Variants in COL11A1 observed in about 807,000 individuals in gnomAD.
COL11A1 encodes collagen alpha-1(XI) chain.
COL11A1 carries 74 observed loss-of-function variants against 265.2 expected under a neutral mutation model. That is an observed-to-expected ratio of 0.28 (90% CI 0.23 to 0.34). COL11A1 has a LOEUF of 0.34. Among genes scored for constraint, COL11A1 ranks in the 10% least tolerant of loss-of-function variants. The pLI, the probability that COL11A1 is intolerant of heterozygous loss-of-function variation, is 1.00. For synonymous variants in COL11A1, 816 were observed against 727.6 expected (o/e 1.12, Z -1.96); for missense variants, 2,165 against 2,263.6 (o/e 0.96, Z 0.88).
intron 28 of COL11A1, among the ~76,000 whole-genome samples, chr1:102,992,798 T>A (rs1664267128): frequency 6.6e-6 from 1 of 152,062 alleles, no homozygotes; most frequent in South Asian, 2.1e-4. Flanking sequence ...AGACTTCAAA[T>A]GAGGCTCAGA....
chr1:103,080,067 T>C (rs1558034074), intron 2 of COL11A1, among the ~76,000 whole-genome samples: 1 of 151,758 alleles, frequency 6.6e-6, no homozygotes, highest in Non-Finnish European at 1.5e-5. Context: ...TTGAAACTGA[T>C]TAAATAAAAT....
At chr1:103,065,607 C>A (rs112282311) in intron 4 of COL11A1, among the ~76,000 whole-genome samples, 3,431 of 148,268 alleles carry the variant, frequency 0.023, 48 homozygotes, top group Middle Eastern at 0.056. Flanking sequence ...TAAACAGATG[C>A]CAACCCTGAG....
At chr1:103,046,002 T>C (rs922961554) in intron 4 of COL11A1, among the ~76,000 whole-genome samples, 2 of 151,722 alleles carry the variant, frequency 1.3e-5, no homozygotes, top group Non-Finnish European at 2.9e-5. Context: ...CACATTTTTC[T>C]TAATCCAGTC....
At chr1:103,040,906 A>T (rs1668762015) in intron 4 of COL11A1, among the ~76,000 whole-genome samples, 1 of 151,778 alleles carries the variant, frequency 6.6e-6, no homozygotes. Flanking sequence ...TTTTTGAAAG[A>T]TTATGTATAT....
intron 46 of COL11A1, among the ~76,000 whole-genome samples, chr1:102,925,390 G>A (rs1019123754): frequency 6.6e-6 from 1 of 151,750 alleles, no homozygotes; most frequent in Non-Finnish European, 1.5e-5. Context: ...ATGACTTTCA[G>A]TTTGTAAAGA....
At chr1:102,890,654 A>C (rs963956832) in intron 57 of COL11A1, 150 bp from the exon 58 acceptor site, 1 of 580,106 alleles carries the variant, frequency 1.7e-6, no homozygotes, top group Non-Finnish European at 3.0e-6. Context: ...AAGGCTTCTA[A>C]GTAAATTTAT....
rs937559629 is a variant in COL11A1 at position 102,888,708 on chromosome 1, G to A, written c.4554+15C>T. ...TTCAATGCAAAATTAAATTGTCAAA[G>A]GGAAAAGTACTTACAGTAGAGCCTT... On this transcript the variant is annotated intron_variant, in intron 61 of 66. Transcript: ENST00000370096. 1.2e-6 allele frequency: 2 copies of A among 1,613,858 alleles called. No individual in the cohort carries two copies. Among genetic ancestry groups the A allele is most frequent in the African/African-American group, 1.3e-5 (1 of 75,032 alleles).
intron 42 of COL11A1, 76 bp from the exon 43 acceptor site, chr1:102,940,510 A>G: frequency 2.9e-6 from 3 of 1,045,858 alleles, no homozygotes; most frequent in Non-Finnish European, 4.4e-6. Flanking sequence ...TAGCTTCTAT[A>G]TTTGACAAGG....
chr1:103,024,870 A>G (rs1667396760), intron 7 of COL11A1, among the ~76,000 whole-genome samples: 1 of 151,876 alleles, frequency 6.6e-6, no homozygotes, highest in African/African-American at 2.4e-5. Context: ...ATATTTAACA[A>G]AGTTAAACTG....
At chr1:103,026,062 A>T in intron 6 of COL11A1, 154 bp downstream of exon 6, 1 of 1,250,334 alleles carries the variant, frequency 8.0e-7, no homozygotes, top group South Asian at 1.2e-5. Context: ...ATCATTCTTC[A>T]AAACGGCTAC....
intron 24 of COL11A1, among the ~76,000 whole-genome samples, chr1:102,998,906 T>C (rs1664873918): frequency 6.6e-6 from 1 of 151,906 alleles, no homozygotes; most frequent in Non-Finnish European, 1.5e-5. Flanking sequence ...CCCAATAAGA[T>C]AATAATAAAG....
intron 42 of COL11A1, among the ~76,000 whole-genome samples, chr1:102,945,517 G>A (rs1254640166): frequency 6.6e-6 from 1 of 152,080 alleles, no homozygotes; most frequent in African/African-American, 2.4e-5. Flanking sequence ...GACAATGAAA[G>A]CAAATCAACT....
intron 54 of COL11A1, among the ~76,000 whole-genome samples, chr1:102,910,987 T>A (rs1654604546): frequency 6.6e-6 from 1 of 152,168 alleles, no homozygotes; most frequent in Admixed American, 6.6e-5. Flanking sequence ...AATAGACAGC[T>A]ATGCATCACA....
chr1:102,887,032 G>A lies in COL11A1; in HGVS notation c.4633C>T (p.Pro1545Ser), dbSNP rs1490364715. The change falls in exon 63 of 67, where the codon CCT becomes TCT. Residue 1545 changes from proline (P) to serine (S), a missense_variant. Coordinates refer to ENST00000370096, the MANE Select transcript of COL11A1 (RefSeq NM_001854.4). ...SPGPPGEVIQ[P>S]LPILSSKKTR... ...TTTTTGGAGGACAAGATTGGTAAAGGCTGAATGACTTCACCAGGTGGACCC... is the reference window on the plus strand; with the variant it reads ...TTTTTGGAGGACAAGATTGGTAAAGACTGAATGACTTCACCAGGTGGACCC... The A allele has an allele frequency of 1.9e-6, 3 of 1,613,802 alleles. No homozygotes were observed. Among genetic ancestry groups the A allele is most frequent in the Admixed American group, 3.3e-5 (2 of 59,992 alleles).
chr1:102,973,609 G>A (rs1301082718), intron 36 of COL11A1, among the ~76,000 whole-genome samples: 1 of 152,144 alleles, frequency 6.6e-6, no homozygotes, highest in Non-Finnish European at 1.5e-5. Flanking sequence ...TCATTTCTCT[G>A]TGAAACTTTG....
chr1:102,942,254 G>C (rs1658797477), intron 42 of COL11A1, among the ~76,000 whole-genome samples: 1 of 152,074 alleles, frequency 6.6e-6, no homozygotes, highest in Non-Finnish European at 1.5e-5. Context: ...AACTCTAAAA[G>C]TCAATCCTTT....
At chr1:103,001,605 G>C in intron 24 of COL11A1, 1 of 456,224 alleles carries the variant, frequency 2.2e-6, no homozygotes, top group Non-Finnish European at 3.9e-6. Context: ...TTACTTTTTT[G>C]TAAAATAATG....
intron 4 of COL11A1, 86 bp from the exon 5 acceptor site, chr1:103,031,330 T>C (rs1048335665): frequency 1.1e-5 from 16 of 1,455,222 alleles, no homozygotes; most frequent in Non-Finnish European, 1.4e-5. Context: ...AGATGTGGTT[T>C]ATTTTTAAAT....
In COL11A1 at chr1:102,978,759, C is replaced by G. The variant is rs1434713381; in HGVS notation, c.2710-7G>C. ...CATCGCCACCTGAAGTGCCCTGGCA[C>G]CAAGAAAAGAAAAGAAAAATCAGTT... On this transcript the variant is annotated splice_polypyrimidine_tract_variant and splice_region_variant and intron_variant, in intron 34 of 66. Transcript: ENST00000370096. The G allele has an allele frequency of 6.2e-7, 1 of 1,614,076 alleles. No individual in the cohort carries two copies. Among genetic ancestry groups the G allele is most frequent in the Non-Finnish European group, 8.5e-7 (1 of 1,179,984 alleles).
Sources: gnomAD v4.1 joint callset for allele counts (sites outside exome capture counted in the v4.1 genomes callset) on GRCh38, gnomAD v4.1.1 for gene constraint, MANE v1.5 for transcripts, NCBI Gene and HGNC (gene_info 2026-07-23, HGNC 2026-07-21) for gene names.